The following SLC44A1 variants were observed in gnomAD, a reference collection of about 807,000 sequenced individuals.
SLC44A1 encodes choline transporter-like protein 1.
SLC44A1 carries 26 observed loss-of-function variants against 79.3 expected under a neutral mutation model. The observed-to-expected ratio is 0.33, with a 90% CI of 0.24 to 0.46. SLC44A1 has a LOEUF of 0.46. Ranked by LOEUF, SLC44A1 falls within the 20% of genes least tolerant of loss-of-function variation. The probability of loss-of-function intolerance (pLI) is 1.00; values close to 1 mark genes in which losing one functional copy is unlikely to be tolerated. For missense variants in SLC44A1, 688 were observed against 798.1 expected, an observed-to-expected ratio of 0.86 and a Z score of 1.66; for synonymous variants, 263 against 286.2, an observed-to-expected ratio of 0.92 and a Z score of 0.82.
At chr9:105,374,918 C>T (rs956716255) in intron 13 of SLC44A1, among the ~76,000 whole-genome samples, 183 bp downstream of exon 13, 2 of 152,190 alleles carry the variant, frequency 1.3e-5, no homozygotes, top group Non-Finnish European at 2.9e-5. Flanking sequence ...CTCATTTAAT[C>T]CTCACAATAA....
At chr9:105,297,375 C>T (rs2131284135) in intron 1 of SLC44A1, among the ~76,000 whole-genome samples, 1 of 152,142 alleles carries the variant, frequency 6.6e-6, no homozygotes, top group South Asian at 2.1e-4. Context: ...TGAATATATG[C>T]TTACTTTTTT....
rs58361552 is a variant in SLC44A1, at chr9:105,394,509, CAA to C, written c.*5465_*5466del. On this transcript the variant is annotated 3_prime_UTR_variant, in exon 16 of 16. Transcript: ENST00000374720. ...AGGTACCAGATTATTTGCAGTGAGC[CAA>C]AAAAAAAAAAATATCCAAGAAGAAA... The C allele has an allele frequency of 0.34, 260,482 of 765,200 alleles. 14,749 individuals carry two copies. Among genetic ancestry groups the C allele is most frequent in the Non-Finnish European group, 0.37 (237,730 of 638,040 alleles). 47.4% of individuals were successfully genotyped at this position (765,200 alleles called of 1,614,324 possible).
Position 105,366,355 on chromosome 9 carries a change from T to C in SLC44A1, c.1420T>C (p.Cys474Arg). 6.7e-7 allele frequency: 1 copy of C among 1,492,402 alleles called. No individual in the cohort carries two copies. Among genetic ancestry groups the C allele is most frequent in the East Asian group, 2.6e-5 (1 of 38,784 alleles). The allele number at this position is 1,492,402 out of a possible 1,614,324, so 92.4% of individuals were successfully genotyped here. Residue 474 changes from cysteine (C) to arginine (R), a missense_variant, in exon 12 of 16, where the codon TGT becomes CGT. By Grantham distance (180) the Cys-to-Arg change is radical. Transcript: ENST00000374720. ...HSQLKGKENACARCVLKSCIC... is the reference protein window; with the variant it reads ...HSQLKGKENARARCVLKSCIC... ...TTTTTCCCCCATCCAGGAAAATGCT[T>C]GTGCACGATGTGTGCTGAAATCTTG...
intron 3 of SLC44A1, among the ~76,000 whole-genome samples, chr9:105,331,535 C>T (rs555987702): frequency 1.3e-5 from 2 of 152,214 alleles, no homozygotes; most frequent in African/African-American, 4.8e-5. Flanking sequence ...CATTTATTTA[C>T]CTGGTTAAGG....
intron 2 of SLC44A1, among the ~76,000 whole-genome samples, chr9:105,302,064 A>G (rs1407752859): frequency 6.6e-6 from 1 of 151,932 alleles, no homozygotes; most frequent in Non-Finnish European, 1.5e-5. Flanking sequence ...CTTCTCTTTT[A>G]TTTCTTCCCT....
chr9:105,362,717 T>C (rs1012219175), intron 8 of SLC44A1, 104 bp from the exon 9 acceptor site: 2 of 698,356 alleles, frequency 2.9e-6, no homozygotes, highest in Non-Finnish European at 4.7e-6. Flanking sequence ...CAAAGAATGC[T>C]ACCTCCAGGT....
At chr9:105,311,321 G>T (rs1342448560) in intron 3 of SLC44A1, among the ~76,000 whole-genome samples, 1 of 152,022 alleles carries the variant, frequency 6.6e-6, no homozygotes, top group African/African-American at 2.4e-5. Context: ...CTGCTGACAG[G>T]TATCAAATAT....
intron 15 of SLC44A1, among the ~76,000 whole-genome samples, chr9:105,411,452 A>ATGTGTGTGTGTGTG (rs143819316): frequency 1.6e-4 from 21 of 127,614 alleles, no homozygotes; most frequent in African/African-American, 2.8e-4. Flanking sequence ...CTCTCTGTGT[A>ATGTGTGTGTGTGTG]TGTGTGTGTG....
chr9:105,277,245 A>C (rs1428982374), intron 1 of SLC44A1, among the ~76,000 whole-genome samples: 1 of 152,200 alleles, frequency 6.6e-6, no homozygotes, highest in Non-Finnish European at 1.5e-5. Context: ...GAATATCAGG[A>C]GTTGGTAATA....
chr9:105,261,136 G>A (rs993117376), intron 1 of SLC44A1, among the ~76,000 whole-genome samples: 3 of 152,080 alleles, frequency 2.0e-5, no homozygotes, highest in African/African-American at 4.8e-5. Context: ...TACCTTGCTA[G>A]CATGTGTTCC....
intron 13 of SLC44A1, among the ~76,000 whole-genome samples, chr9:105,381,526 C>T (rs1262320966): frequency 1.4e-5 from 2 of 145,940 alleles, no homozygotes; most frequent in African/African-American, 2.5e-5. Context: ...CCAGCCTGGG[C>T]AACAGAGCAA....
chr9:105,359,404 A>G (rs1163379115), intron 7 of SLC44A1, among the ~76,000 whole-genome samples: 1 of 152,162 alleles, frequency 6.6e-6, no homozygotes, highest in African/African-American at 2.4e-5. Context: ...CAAATACAGA[A>G]ATAAAAAATT....
intron 4 of SLC44A1, among the ~76,000 whole-genome samples, chr9:105,347,874 T>C (rs180707388): frequency 6.3e-4 from 96 of 152,192 alleles, no homozygotes; most frequent in African/African-American, 2.3e-3. Context: ...ATTGAAAGCA[T>C]AGGAAAAACA....
intron 11 of SLC44A1, 90 bp from the exon 12 acceptor site, chr9:105,366,256 A>G: frequency 1.7e-6 from 1 of 604,896 alleles, no homozygotes; most frequent in Non-Finnish European, 2.7e-6. Context: ...TGATTTTTAA[A>G]TTTTTATTTA....
At chr9:105,355,856 T>C in intron 5 of SLC44A1, 1 of 188,712 alleles carries the variant, frequency 5.3e-6, no homozygotes. Flanking sequence ...CTTTGTCATC[T>C]GCCCCTTGAC....
intron 5 of SLC44A1, among the ~76,000 whole-genome samples, chr9:105,351,665 A>C (rs1018193018): frequency 6.6e-6 from 1 of 150,632 alleles, no homozygotes; most frequent in African/African-American, 2.5e-5. Flanking sequence ...AAAGAAAGAA[A>C]GAAAGAAAGA....
chr9:105,323,395 G>A (rs9632900), intron 3 of SLC44A1, among the ~76,000 whole-genome samples: 18,128 of 152,030 alleles, frequency 0.12, 1,449 homozygotes, highest in Non-Finnish European at 0.18. Context: ...GATCCAGTAG[G>A]CAGATAATCA....
At position 105,364,625 on chromosome 9, in the gene SLC44A1, G is replaced by T; in HGVS notation, c.1158G>T (p.Trp386Cys). The T allele has an allele frequency of 6.2e-7, 1 of 1,613,808 alleles. No individual in the cohort carries two copies. The highest frequency in any genetic ancestry group is 8.5e-7 in the Non-Finnish European group (1 of 1,179,704). ...CTGGGCCTCTGCAGTACATGTGGTG[G>T]TACCATGTGGTGGGCCTGATTTGGA... ...KISGPLQYMW[W>C]YHVVGLIWIS... The change falls in exon 10 of 16, where the codon TGG becomes TGT. Residue 386 changes from tryptophan (W) to cysteine (C), a missense_variant. Trp to Cys is a radical substitution (Grantham distance 215). Coordinates refer to ENST00000374720, the MANE Select transcript of SLC44A1 (RefSeq NM_080546.5).
intron 13 of SLC44A1, 56 bp downstream of exon 13, chr9:105,374,791 G>A: frequency 1.4e-6 from 2 of 1,404,024 alleles, no homozygotes; most frequent in South Asian, 1.3e-5. Context: ...ATATTTATTT[G>A]CTCTTTTATT....
Sources: gnomAD v4.1 joint callset for allele counts (sites outside exome capture counted in the v4.1 genomes callset) on GRCh38, gnomAD v4.1.1 for gene constraint, MANE v1.5 for transcripts, NCBI Gene and HGNC (gene_info 2026-07-23, HGNC 2026-07-21) for gene names.